Variants in PDE4B observed in about 807,000 individuals in gnomAD.
PDE4B encodes the protein 3',5'-cyclic-AMP phosphodiesterase 4B.
PDE4B carries 20 observed loss-of-function variants against 82.2 expected under a neutral mutation model. That is an observed-to-expected ratio of 0.24 (90% confidence interval 0.17 to 0.35). The LOEUF (loss-of-function observed/expected upper bound fraction) is 0.35. PDE4B is among the 10% of genes least tolerant of loss of function. The pLI is 1.00. For synonymous variants in PDE4B, 320 were observed against 318.9 expected (o/e 1.00, Z -0.04); for missense variants, 655 against 907.2 (o/e 0.72, Z 3.57).
At chr1:66,109,850 C>T (rs181605872) in intron 3 of PDE4B, among the ~76,000 whole-genome samples, 21 of 151,942 alleles carry the variant, frequency 1.4e-4, no homozygotes, top group Admixed American at 2.6e-4. Context: ...CTTTTCCTCT[C>T]ATTAGTAATT....
chr1:66,331,816 T>A (rs1013067868), intron 7 of PDE4B: 2 of 985,162 alleles, frequency 2.0e-6, no homozygotes, highest in African/African-American at 1.7e-5. Context: ...TCCAGACAGC[T>A]TCTTTTAGAC....
chr1:66,370,043 C>T (rs1188968854), intron 16 of PDE4B, among the ~76,000 whole-genome samples: 1 of 147,994 alleles, frequency 6.8e-6, no homozygotes, highest in African/African-American at 2.5e-5. Context: ...CCCAGCTACT[C>T]GGGAAGCTGA....
chr1:65,922,918 A>T (rs1345393600), intron 3 of PDE4B, among the ~76,000 whole-genome samples: 2 of 152,176 alleles, frequency 1.3e-5, no homozygotes, highest in Non-Finnish European at 2.9e-5. Flanking sequence ...GGAAGATATC[A>T]GGAGTATACC....
At position 66,372,724 on chromosome 1, in the gene PDE4B, G is replaced by A. The variant is rs759071397; in HGVS notation, c.*46G>A. ...TGAACATTCTATCCTTGATGAGCAT[G>A]CCAGCTATGTGGTAGGGCCAGCCCA... On this transcript the variant is annotated 3_prime_UTR_variant, in exon 17 of 17. Coordinates refer to ENST00000341517, the MANE Select transcript of PDE4B (RefSeq NM_002600.4). 1.9e-6 allele frequency: 3 copies of A among 1,569,702 alleles called. No individual in the cohort carries two copies. The highest frequency in any genetic ancestry group is 2.2e-5 in the East Asian group (1 of 44,552).
At chr1:65,965,824 A>G (rs1649789299) in intron 3 of PDE4B, among the ~76,000 whole-genome samples, 1 of 152,166 alleles carries the variant, frequency 6.6e-6, no homozygotes, top group African/African-American at 2.4e-5. Context: ...AGATGCAGAA[A>G]AGGCCTGCAA....
At position 66,247,540 on chromosome 1, in the gene PDE4B, A is replaced by G; in HGVS notation, c.362A>G (p.His121Arg). The change falls in exon 4 of 17, where the codon CAC becomes CGC. Residue 121 changes from histidine to arginine, a missense_variant. Physicochemically the swap from His to Arg is conservative, Grantham distance 29. This residue lies in a region of PDE4B where 253 missense variants were observed against 275.6 expected (regional missense o/e 0.92). Transcript: ENST00000341517. ...QASSSAGLVL[H>R]ATFPGHSQRR... ...AGCTCTTCCGCTGGGCTGGTACTTC[A>G]CGCCACCTTTCCTGGGCACAGCCAG... is the stretch of plus-strand genomic sequence containing the variant. 1 of 1,612,810 alleles carries G rather than the reference A, an allele frequency of 6.2e-7. No homozygotes were observed. Among genetic ancestry groups the G allele is most frequent in the Non-Finnish European group, 8.5e-7 (1 of 1,179,388 alleles).
At chr1:66,163,085 G>T (rs1294102703) in intron 3 of PDE4B, among the ~76,000 whole-genome samples, 1 of 152,086 alleles carries the variant, frequency 6.6e-6, no homozygotes, top group East Asian at 1.9e-4. Flanking sequence ...ATTAGCCTTA[G>T]ACTCCAAAGA....
intron 3 of PDE4B, among the ~76,000 whole-genome samples, chr1:66,239,060 C>T (rs919756759): frequency 4.6e-5 from 7 of 152,070 alleles, no homozygotes; most frequent in African/African-American, 1.7e-4. Context: ...ATCTCATTTC[C>T]CTAATTGATC....
In PDE4B at chr1:66,250,311, C is replaced by A. The variant is rs368506084; in HGVS notation, c.476+2657C>A. ...CTGCCGGATGTTCCCTGCTCACAGA[C>A]CTCATACCCAGCACAGAGCTGTCAT... On this transcript the variant is annotated intron_variant, in intron 4 of 16. Transcript: ENST00000341517. Among the ~76,000 whole-genome samples the A allele has an allele frequency of 5.3e-4, 80 of 152,280 alleles. 2 individuals carry two copies. The South Asian group carries it at 0.016, about 30-fold the overall frequency.
chr1:66,169,530 A>G (rs1646799169), intron 3 of PDE4B, among the ~76,000 whole-genome samples: 1 of 152,210 alleles, frequency 6.6e-6, no homozygotes, highest in Non-Finnish European at 1.5e-5. Context: ...TATGTCATTC[A>G]GGAAATCTGA....
intron 3 of PDE4B, among the ~76,000 whole-genome samples, chr1:66,029,501 T>C (rs1236793148): frequency 6.6e-6 from 1 of 152,176 alleles, no homozygotes; most frequent in Non-Finnish European, 1.5e-5. Context: ...TACAAATATT[T>C]TACAGCAAAC....
At chr1:65,900,050 A>G (rs1005787235) in intron 1 of PDE4B, among the ~76,000 whole-genome samples, 3 of 152,066 alleles carry the variant, frequency 2.0e-5, no homozygotes, top group African/African-American at 7.2e-5. Context: ...ATAAAAAAGA[A>G]GGGTATTTCC....
At chr1:66,090,991 A>G (rs1268424850) in intron 3 of PDE4B, among the ~76,000 whole-genome samples, 1 of 151,962 alleles carries the variant, frequency 6.6e-6, no homozygotes, top group Non-Finnish European at 1.5e-5. Flanking sequence ...AGCCAAATTA[A>G]TTGGGAAAAG....
chr1:65,933,155 T>C (rs1306781909), intron 3 of PDE4B, among the ~76,000 whole-genome samples: 2 of 152,134 alleles, frequency 1.3e-5, no homozygotes, highest in Non-Finnish European at 2.9e-5. Flanking sequence ...AGATACATTA[T>C]AATTATATTG....
At chr1:66,058,611 C>T (rs1655424092) in intron 3 of PDE4B, among the ~76,000 whole-genome samples, 3 of 152,240 alleles carry the variant, frequency 2.0e-5, no homozygotes, top group South Asian at 4.1e-4. Flanking sequence ...CACCTGCAGA[C>T]CCAACACCAT....
chr1:66,279,955 C>G (rs1412490208), intron 7 of PDE4B, among the ~76,000 whole-genome samples: 1 of 152,092 alleles, frequency 6.6e-6, no homozygotes, highest in Non-Finnish European at 1.5e-5. Context: ...ACACCTAGAT[C>G]AATATTGATT....
At chr1:66,114,671 T>A (rs1645557383) in intron 3 of PDE4B, among the ~76,000 whole-genome samples, 1 of 148,474 alleles carries the variant, frequency 6.7e-6, no homozygotes, top group South Asian at 2.1e-4. Flanking sequence ...AGTCTGGCTG[T>A]GACACCCAGG....
intron 1 of PDE4B, among the ~76,000 whole-genome samples, chr1:65,827,129 A>G (rs1370043852): frequency 2.6e-5 from 4 of 151,914 alleles, no homozygotes; most frequent in African/African-American, 7.3e-5. Flanking sequence ...GATTAACACA[A>G]CCCCCTTCCC....
At chr1:65,816,086 G>A (rs551527921) in intron 1 of PDE4B, among the ~76,000 whole-genome samples, 1 of 152,102 alleles carries the variant, frequency 6.6e-6, no homozygotes, top group Non-Finnish European at 1.5e-5. Context: ...AGGTCCAAGT[G>A]TTATCAAAAG....
Sources: allele counts gnomAD v4.1 joint callset (sites outside exome capture counted in the v4.1 genomes callset), GRCh38; gene constraint gnomAD v4.1.1; regional missense constraint gnomAD v4.1.1; transcripts MANE v1.5; gene names NCBI Gene and HGNC (gene_info 2026-07-23, HGNC 2026-07-21).